Variants in DDX19A observed in about 807,000 individuals in gnomAD.
DDX19A encodes the protein ATP-dependent RNA helicase DDX19A.
DDX19A carries 12 observed loss-of-function variants against 60.6 expected under a neutral mutation model. That is an observed-to-expected ratio of 0.20 (90% CI 0.13 to 0.32). DDX19A has a LOEUF of 0.32. Ranked by LOEUF, DDX19A falls within the 10% of genes least tolerant of loss-of-function variation. The probability of loss-of-function intolerance (pLI) is 1.00; values close to 1 mark genes in which losing one functional copy is unlikely to be tolerated. For synonymous variants in DDX19A, 206 were observed against 218.2 expected (o/e 0.94, Z 0.49); for missense variants, 337 against 600.6 (o/e 0.56, Z 4.59).
chr16:70,358,070 G>C (rs1232993503), intron 4 of DDX19A, among the ~76,000 whole-genome samples: 1 of 151,846 alleles, frequency 6.6e-6, no homozygotes. Flanking sequence ...TCACTCTGTT[G>C]CCCAGGCTGG....
intron 4 of DDX19A, among the ~76,000 whole-genome samples, chr16:70,359,236 C>T (rs1161133628): frequency 2.0e-5 from 3 of 152,164 alleles, no homozygotes; most frequent in African/African-American, 7.2e-5. Context: ...TCATTTGAGT[C>T]CCAATTAAGG....
chr16:70,359,440 C>T (rs918437128), intron 4 of DDX19A, among the ~76,000 whole-genome samples: 14 of 152,160 alleles, frequency 9.2e-5, no homozygotes, highest in Non-Finnish European at 1.9e-4. Flanking sequence ...GTTGCCTTTT[C>T]TTTAGAAACA....
rs571192822 is a variant in DDX19A at position 70,366,792 on chromosome 16, C to T, written c.951C>T (p.Asp317=). 3.6e-5 allele frequency: 58 copies of T among 1,614,144 alleles called. No individual in the cohort carries two copies. Among genetic ancestry groups the T allele is most frequent in the South Asian group, 7.7e-5 (7 of 91,082 alleles). Residue 317 remains aspartate, a synonymous_variant, in exon 9 of 12, where the codon GAC becomes GAT. Coordinates refer to ENST00000302243, the MANE Select transcript of DDX19A (RefSeq NM_018332.5). ...ACTATGTCCTGTGCAGCAGCAGAGA[C>T]GAGAAGTTCCAGGCCTTGTGTAACC... ...KQYYVLCSSR[D]EKFQALCNLY... is the part of the protein sequence containing the mutation.
At chr16:70,354,749 G>T (rs1355335942) in intron 2 of DDX19A, among the ~76,000 whole-genome samples, 1 of 152,012 alleles carries the variant, frequency 6.6e-6, no homozygotes, top group Non-Finnish European at 1.5e-5. Context: ...TTGAGAACAG[G>T]CTGGGCAACA....
intron 2 of DDX19A, among the ~76,000 whole-genome samples, chr16:70,351,576 G>C (rs913695646): frequency 6.6e-6 from 1 of 151,900 alleles, no homozygotes; most frequent in African/African-American, 2.4e-5. Flanking sequence ...GCAGGCCGGA[G>C]TGCAGTGGTG....
At chr16:70,355,878 C>T (rs1964169678) in intron 3 of DDX19A, 2 of 605,656 alleles carry the variant, frequency 3.3e-6, no homozygotes, top group East Asian at 2.8e-5. Flanking sequence ...GGGACGATTG[C>T]CAGAGCCCAG....
At chr16:70,349,467 A>G (rs915765851) in intron 1 of DDX19A, among the ~76,000 whole-genome samples, 4 of 152,204 alleles carry the variant, frequency 2.6e-5, no homozygotes, top group Admixed American at 1.3e-4. Context: ...AATGATGGGA[A>G]CCTTCCCAAA....
At chr16:70,361,536 C>T (rs1161627993) in intron 5 of DDX19A, 26 bp downstream of exon 5, 1 of 1,565,468 alleles carries the variant, frequency 6.4e-7, no homozygotes, top group Non-Finnish European at 8.8e-7. Context: ...AAGCGCATCT[C>T]ACCCAGTGTG....
intron 3 of DDX19A, chr16:70,355,773 G>A (rs1313765366): frequency 3.4e-6 from 2 of 582,426 alleles, no homozygotes; most frequent in Non-Finnish European, 6.1e-6. Context: ...ACCAGCCTGG[G>A]CAACATACTG....
chr16:70,347,707 T>A (rs1353464203), intron 1 of DDX19A, among the ~76,000 whole-genome samples: 1 of 152,266 alleles, frequency 6.6e-6, no homozygotes, highest in East Asian at 1.9e-4. Context: ...GTTTCTCTTT[T>A]GAGGCAGAGT....
In DDX19A at chr16:70,371,108, A is replaced by G. The variant is rs1004679878; in HGVS notation, c.1184-264A>G. 23 of 605,764 alleles carry G rather than the reference A, an allele frequency of 3.8e-5. No homozygotes were observed. The African/African-American group carries it at 4.1e-4, about 11-fold the overall frequency. 37.5% of individuals were successfully genotyped at this position (605,764 alleles called of 1,614,324 possible). ...GGTAGAGAACGGAGCCTACTCTTCC[A>G]GGGGCGCCCATCTCCAGAACATTGT... On this transcript the variant is annotated intron_variant, in intron 10 of 11. Transcript: ENST00000302243.
At chr16:70,369,573 G>A (rs368935643) in intron 9 of DDX19A, among the ~76,000 whole-genome samples, 12 of 151,022 alleles carry the variant, frequency 7.9e-5, no homozygotes, top group African/African-American at 2.9e-4. Flanking sequence ...TCTTGCCCCA[G>A]GTTAAATATT....
chr16:70,364,472 C>A, intron 5 of DDX19A, 71 bp from the exon 6 acceptor site: 1 of 1,229,100 alleles, frequency 8.1e-7, no homozygotes, highest in East Asian at 2.4e-5. Context: ...GCCTTTCATT[C>A]AGAAAGAACA....
intron 5 of DDX19A, among the ~76,000 whole-genome samples, chr16:70,361,919 C>T (rs1433157582): frequency 1.3e-5 from 2 of 151,946 alleles, no homozygotes; most frequent in Admixed American, 6.6e-5. Flanking sequence ...ACCTGTAATC[C>T]TAGCACTTTG....
chr16:70,353,855 C>T (rs1019542884), intron 2 of DDX19A, among the ~76,000 whole-genome samples: 3 of 148,522 alleles, frequency 2.0e-5, no homozygotes, highest in Non-Finnish European at 3.0e-5. Context: ...GAGCCGAGAT[C>T]GTGCCACTGC....
intron 9 of DDX19A, among the ~76,000 whole-genome samples, chr16:70,369,317 T>G (rs1182492237): frequency 6.6e-6 from 1 of 151,444 alleles, no homozygotes; most frequent in Non-Finnish European, 1.5e-5. Context: ...GTAGCTGAGA[T>G]TACATGCACA....
intron 9 of DDX19A, 83 bp from the exon 10 acceptor site, chr16:70,370,140 C>A: frequency 6.7e-7 from 1 of 1,493,578 alleles, no homozygotes; most frequent in East Asian, 2.4e-5. Flanking sequence ...TTAGATCACC[C>A]TGAGTGACAG....
chr16:70,357,596 G>A (rs1964252439), intron 4 of DDX19A, among the ~76,000 whole-genome samples: 1 of 151,710 alleles, frequency 6.6e-6, no homozygotes, highest in African/African-American at 2.4e-5. Context: ...ATGTTGGGCA[G>A]GCTGGTCTCG....
At chr16:70,348,626 CAAAAAAAAAAA>C (rs1244983371) in intron 1 of DDX19A, among the ~76,000 whole-genome samples, 2 of 34,894 alleles carry the variant, frequency 5.7e-5, no homozygotes, top group African/African-American at 1.3e-4. Context: ...GACTCTGTCT[CAAAAAAAAAAA>C]AAAAAAAAAA....
Sources: gnomAD v4.1 joint callset for allele counts (sites outside exome capture counted in the v4.1 genomes callset) on GRCh38, gnomAD v4.1.1 for gene constraint, MANE v1.5 for transcripts, NCBI Gene and HGNC (gene_info 2026-07-23, HGNC 2026-07-21) for gene names.